Variants in MATCAP1 observed in about 807,000 individuals in gnomAD.
The protein encoded by MATCAP1 is microtubule-associated tyrosine carboxypeptidase 1.
At chr16:67,179,085 C>T in the MATCAP1 span, 13 of 1,172,104 alleles carry the variant, frequency 1.1e-5, no homozygotes, top group Admixed American at 4.4e-5. The surrounding 1 kb of genome is among the most constrained non-coding windows in gnomAD (Gnocchi z 5.2). Flanking sequence ...GGAGGGCCAG[C>T]GTGGTGGCTG....
the MATCAP1 span, chr16:67,176,571 C>G: frequency 2.4e-6 from 1 of 414,518 alleles, no homozygotes; most frequent in Non-Finnish European, 4.3e-6. This position sits in a 1 kb window ranked among gnomAD's most constrained non-coding sequence, Gnocchi z 4.3. Flanking sequence ...CAACAGAGAG[C>G]TGGAGGCAGG....
At chr16:67,180,137 G>T in the MATCAP1 span, 1 of 1,614,208 alleles carries the variant, frequency 6.2e-7, no homozygotes, top group East Asian at 2.2e-5. Context: ...AGGTGTAATG[G>T]GACTGGAAGA....
chr16:67,176,074 TGTGTGTGTGTGTGTG>T, the MATCAP1 span: 2 of 127,488 alleles, frequency 1.6e-5, no homozygotes, highest in African/African-American at 3.0e-5. The surrounding 1 kb of genome is among the most constrained non-coding windows in gnomAD (Gnocchi z 4.3). Context: ...TGTGTGTGTG[TGTGTGTGTGTGTGTG>T]TGTGTGTGTG....
chr16:67,180,264 GCAGGCCGCAGGGTGCCC>G, the MATCAP1 span: 1 of 1,612,782 alleles, frequency 6.2e-7, no homozygotes. Flanking sequence ...CAGGGAGGCT[GCAGGCCGCAGGGTGCCC>G]CCACCTGGGT....
the MATCAP1 span, chr16:67,179,804 G>C: frequency 6.2e-7 from 1 of 1,613,882 alleles, no homozygotes; most frequent in Non-Finnish European, 8.5e-7. This position sits in a 1 kb window ranked among gnomAD's most constrained non-coding sequence, Gnocchi z 5.2. Context: ...GGGCTCTGCA[G>C]GCAAGCTCAC....
the MATCAP1 span, among the ~76,000 whole-genome samples, chr16:67,177,473 A>ATG: frequency 6.6e-6 from 1 of 152,280 alleles, no homozygotes; most frequent in African/African-American, 2.4e-5. Flanking sequence ...TCTCCAACCC[A>ATG]GCGGCCACTG....
chr16:67,178,256 C>G, the MATCAP1 span: 1 of 1,565,146 alleles, frequency 6.4e-7, no homozygotes. Context: ...TCCCAGCGCA[C>G]ATCGGCGTCC....
the MATCAP1 span, chr16:67,179,991 A>C: frequency 6.2e-7 from 1 of 1,613,654 alleles, no homozygotes; most frequent in East Asian, 2.2e-5. The surrounding 1 kb of genome is among the most constrained non-coding windows in gnomAD (Gnocchi z 5.2). Flanking sequence ...TGGTCAGGAC[A>C]AGCCCCTTGG....
the MATCAP1 span, chr16:67,177,982 G>C: frequency 6.3e-7 from 1 of 1,583,314 alleles, no homozygotes; most frequent in Admixed American, 1.7e-5. Flanking sequence ...GAGCTGGCTG[G>C]GACCTCTGAA....
chr16:67,176,681 G>T, the MATCAP1 span: 4 of 851,130 alleles, frequency 4.7e-6, no homozygotes, highest in East Asian at 2.9e-5. The surrounding 1 kb of genome is among the most constrained non-coding windows in gnomAD (Gnocchi z 4.3). Context: ...CCTCCTCAAG[G>T]AATGCTCCTG....
At chr16:67,177,009 G>A in the MATCAP1 span, 1 of 1,479,622 alleles carries the variant, frequency 6.8e-7, no homozygotes, top group Non-Finnish European at 9.0e-7. Context: ...GGCATAGGCA[G>A]TGGCCCCTGG....
chr16:67,178,069 C>T, the MATCAP1 span: 18 of 1,614,206 alleles, frequency 1.1e-5, no homozygotes, highest in Non-Finnish European at 1.5e-5. Flanking sequence ...AGAATGCGCA[C>T]GATGCCGTCC....
At chr16:67,180,128 G>C in the MATCAP1 span, 2 of 1,614,216 alleles carry the variant, frequency 1.2e-6, no homozygotes, top group Admixed American at 1.7e-5. Flanking sequence ...GTGGATTGTA[G>C]GTGTAATGGG....
the MATCAP1 span, chr16:67,179,058 G>C: frequency 1.8e-6 from 2 of 1,137,434 alleles, no homozygotes; most frequent in Admixed American, 4.4e-5. This position sits in a 1 kb window ranked among gnomAD's most constrained non-coding sequence, Gnocchi z 5.2. Flanking sequence ...CCCAGGACCT[G>C]GCCTTCCATC....
At chr16:67,180,515 G>C in the MATCAP1 span, 1 of 1,568,816 alleles carries the variant, frequency 6.4e-7, no homozygotes, top group Non-Finnish European at 8.6e-7. Flanking sequence ...GCCCATCTCG[G>C]TCTGAGGGCT....
chr16:67,180,960 G>A, the MATCAP1 span, among the ~76,000 whole-genome samples: 1 of 152,146 alleles, frequency 6.6e-6, no homozygotes, highest in Non-Finnish European at 1.5e-5. Context: ...CTCCTGGCCT[G>A]AAGTGATCCT....
the MATCAP1 span, chr16:67,178,516 G>A: frequency 6.6e-7 from 1 of 1,519,388 alleles, no homozygotes; most frequent in Non-Finnish European, 8.8e-7. Flanking sequence ...TGCGGGGAAG[G>A]CGAGGGGAGG....
the MATCAP1 span, chr16:67,180,459 A>G: frequency 6.2e-7 from 1 of 1,608,038 alleles, no homozygotes; most frequent in Middle Eastern, 1.7e-4. Flanking sequence ...GGGGACTGCC[A>G]GAGCCAGGGG....
At chr16:67,178,317 G>C in the MATCAP1 span, 2 of 1,582,450 alleles carry the variant, frequency 1.3e-6, no homozygotes, top group South Asian at 1.2e-5. Context: ...ACATGCGCGC[G>C]GCGCGGTGGA....
Sources: allele counts gnomAD v4.1 joint callset (sites outside exome capture counted in the v4.1 genomes callset), GRCh38; gene constraint gnomAD v4.1.1; non-coding constraint Gnocchi (gnomAD v3.1); transcripts MANE v1.5; gene names NCBI Gene and HGNC (gene_info 2026-07-23, HGNC 2026-07-21).